RBM45: variants seen among roughly 807,000 people sequenced by gnomAD.
RBM45 encodes RNA binding motif protein 45.
RBM45 carries 39 observed loss-of-function variants against 58.5 expected under a neutral mutation model. The ratio of observed to expected loss-of-function variants is 0.67; its 90% CI spans 0.52 to 0.87. RBM45 has a LOEUF of 0.87. Ranked by LOEUF, RBM45 falls within the 40% of genes least tolerant of loss-of-function variation. The pLI, the probability that RBM45 is intolerant of heterozygous loss-of-function variation, is 0.00. For synonymous variants in RBM45, 193 were observed against 203.0 expected (o/e 0.95, Z 0.42); for missense variants, 481 against 581.6 (o/e 0.83, Z 1.78).
chr2:178,116,566 A>G (rs533518389), intron 2 of RBM45, among the ~76,000 whole-genome samples, 182 bp downstream of exon 2: 44 of 152,364 alleles, frequency 2.9e-4, no homozygotes, highest in African/African-American at 1.0e-3. Context: ...TAGTTTTTAA[A>G]ATTAAAGAAT....
chr2:178,123,399 C>A, intron 5 of RBM45, 123 bp from the exon 6 acceptor site: 2 of 936,438 alleles, frequency 2.1e-6, no homozygotes, highest in African/African-American at 3.3e-5. Flanking sequence ...ACATTCGATT[C>A]TGTATTTACT....
chr2:178,120,157 G>A, intron 3 of RBM45, 130 bp from the exon 4 acceptor site: 1 of 1,118,624 alleles, frequency 8.9e-7, no homozygotes, highest in East Asian at 2.5e-5. Context: ...AGGTCTGGAG[G>A]AGATGGCCAT....
Position 178,121,207 on chromosome 2 carries a change from A to G in RBM45, c.701A>G (p.Asp234Gly), listed in dbSNP as rs764468273. The G allele has an allele frequency of 1.9e-6, 3 of 1,570,030 alleles. No individual in the cohort carries two copies. The highest frequency in any genetic ancestry group is 3.8e-5 in the Admixed American group (2 of 52,090). ...CAACAATCTGAATTTTCAAGTTTTG[A>G]CAAGAATGATAGCCGAGGCCAGGAA... ...FEQQSEFSSF[D>G]KNDSRGQEAI... The change falls in exon 5 of 10, where the codon GAC becomes GGC. Residue 234 changes from aspartate to glycine, a missense_variant. Coordinates refer to ENST00000286070, the MANE Select transcript of RBM45 (RefSeq NM_152945.4).
At chr2:178,137,222 A>G (rs1190365344) in exon 4 of RBM45, 1 of 152,224 alleles carries the variant, frequency 6.6e-6, no homozygotes, top group East Asian at 1.9e-4. Context: ...TATGAACAGC[A>G]AGAATTAAAA....
chr2:178,112,978 C>CCAGG, intron 1 of RBM45, 132 bp downstream of exon 1: 1 of 967,724 alleles, frequency 1.0e-6, no homozygotes. Context: ...CAGCACCTGG[C>CCAGG]TTGGGGACAG....
chr2:178,121,403 T>TATACAC lies in RBM45; in HGVS notation c.853+45_853+46insTACACA, dbSNP rs1260057109. 3.3e-4 allele frequency: 193 copies of TATACAC among 593,458 alleles called. No homozygotes were observed. The African/African-American group carries it at 3.6e-3, about 11-fold the overall frequency. 36.8% of individuals were successfully genotyped at this position (593,458 alleles called of 1,614,324 possible). A position where few individuals can be genotyped will look rare whatever the true frequency, so the allele number is the denominator to read the frequency against. ...TAAAAAATATATATATATGTATATA[T>TATACAC]ACACACACACACACACACACACACA... On this transcript the variant is annotated intron_variant, in intron 5 of 9. Coordinates refer to ENST00000286070, the MANE Select transcript of RBM45 (RefSeq NM_152945.4).
chr2:178,129,667 T>C (rs1248916449), downstream of RBM45: 1 of 152,660 alleles, frequency 6.6e-6, no homozygotes, highest in Non-Finnish European at 1.5e-5. Flanking sequence ...TCATGACTTA[T>C]TTATGTGAAA....
chr2:178,136,391 G>A (rs1312546273), intron 3 of RBM45: 1 of 152,196 alleles, frequency 6.6e-6, no homozygotes, highest in South Asian at 2.1e-4. Flanking sequence ...GTATGAGAAG[G>A]CTATACTGTT....
chr2:178,130,467 G>A (rs975894060), downstream of RBM45, among the ~76,000 whole-genome samples: 8 of 152,100 alleles, frequency 5.3e-5, no homozygotes, highest in Admixed American at 2.0e-4. Context: ...CGAGGCTACC[G>A]TGAGCCACAA....
At chr2:178,134,315 T>C (rs1374435634), downstream of RBM45, among the ~76,000 whole-genome samples, 5 of 152,182 alleles carry the variant, frequency 3.3e-5, no homozygotes, top group Non-Finnish European at 5.9e-5. Flanking sequence ...AAAAGGCAAG[T>C]ACCAGTACTG....
intron 8 of RBM45, among the ~76,000 whole-genome samples, chr2:178,125,019 T>C (rs1205569504): frequency 2.6e-5 from 4 of 152,180 alleles, no homozygotes; most frequent in Non-Finnish European, 4.4e-5. Context: ...TAGGCCTTTT[T>C]CCCATTTGCC....
intron 7 of RBM45, 25 bp downstream of exon 7, chr2:178,123,937 T>G: frequency 6.3e-7 from 1 of 1,575,498 alleles, no homozygotes; most frequent in Non-Finnish European, 8.7e-7. Context: ...ATTTAACCTT[T>G]ATAATATATC....
intron 9 of RBM45, among the ~76,000 whole-genome samples, chr2:178,127,294 A>C (rs1423564972): frequency 2.6e-5 from 4 of 152,230 alleles, no homozygotes; most frequent in African/African-American, 7.2e-5. Context: ...GTTCCCACAC[A>C]CTAACTTTCC....
downstream of RBM45, among the ~76,000 whole-genome samples, chr2:178,129,965 A>G (rs1318923498): frequency 3.3e-5 from 5 of 152,258 alleles, no homozygotes; most frequent in African/African-American, 1.2e-4. Context: ...GACAAAAGAC[A>G]AAATCATTGG....
At chr2:178,137,777 A>T (rs369154879) in exon 4 of RBM45, 1 of 152,110 alleles carries the variant, frequency 6.6e-6, no homozygotes, top group Non-Finnish European at 1.5e-5. Flanking sequence ...TGCATTTTTT[A>T]TTTATCTTAT....
At chr2:178,125,866 G>T in intron 8 of RBM45, 118 bp from the exon 9 acceptor site, 1 of 742,328 alleles carries the variant, frequency 1.3e-6, no homozygotes, top group South Asian at 1.5e-5. Context: ...ATTGACATGA[G>T]TTGGATGTTG....
rs558407074 is a variant in RBM45, at chr2:178,125,833, T to C, written c.1233-151T>C. ...GAAGAGAGATCTGAATGAGAATGAA[T>C]AGAATTGACTGAGATGTTTAAGATT... On this transcript the variant is annotated intron_variant, in intron 8 of 9. Transcript: ENST00000286070. 1.7e-5 allele frequency: 12 copies of C among 715,962 alleles called. No homozygotes were observed. The East Asian group carries it at 3.2e-4, about 19-fold the overall frequency. 44.4% of individuals were successfully genotyped at this position (715,962 alleles called of 1,614,324 possible). A position where few individuals can be genotyped will look rare whatever the true frequency, so the allele number is the denominator to read the frequency against.
chr2:178,135,016 T>A (rs1475806784), intron 3 of RBM45, among the ~76,000 whole-genome samples: 1 of 152,130 alleles, frequency 6.6e-6, no homozygotes, highest in African/African-American at 2.4e-5. Flanking sequence ...CAAAAATAAA[T>A]TTAAAATAAA....
chr2:178,131,230 T>TA (rs565766973), downstream of RBM45, among the ~76,000 whole-genome samples: 341 of 152,368 alleles, frequency 2.2e-3, 1 homozygote, highest in African/African-American at 7.5e-3. Flanking sequence ...AGATTGGAAT[T>TA]AAATTGTTCC....
Sources: gnomAD v4.1 joint callset for allele counts (sites outside exome capture counted in the v4.1 genomes callset) on GRCh38, gnomAD v4.1.1 for gene constraint, MANE v1.5 for transcripts, NCBI Gene and HGNC (gene_info 2026-07-23, HGNC 2026-07-21) for gene names.